Variants in ZMYM2 observed in about 807,000 individuals in gnomAD.
ZMYM2 encodes the protein zinc finger MYM-type protein 2.
A neutral mutation model predicts 162.8 loss-of-function variants in ZMYM2; 56 were observed. The observed-to-expected ratio is 0.34, with a 90% CI of 0.28 to 0.43. ZMYM2 has a LOEUF of 0.43. ZMYM2 is among the 20% of genes least tolerant of loss of function. ZMYM2 has a pLI of 1.00. For synonymous variants in ZMYM2, 510 were observed against 541.6 expected, an observed-to-expected ratio of 0.94 and a Z score of 0.81; for missense variants, 1,275 against 1,621.8, an observed-to-expected ratio of 0.79 and a Z score of 3.67.
At chr13:19,868,814 A>G in the ZMYM2 span, among the ~76,000 whole-genome samples, 1 of 152,160 alleles carries the variant, frequency 6.6e-6, no homozygotes, top group African/African-American at 2.4e-5. Context: ...GCAGTGGCAC[A>G]ATATCGGCTC....
At chr13:20,030,763 A>G (rs1953055410) in intron 9 of ZMYM2, among the ~76,000 whole-genome samples, 1 of 151,712 alleles carries the variant, frequency 6.6e-6, no homozygotes, top group Non-Finnish European at 1.5e-5. Flanking sequence ...CGAACTCCTG[A>G]CCTTGGGTGA....
chr13:19,969,625 T>C (rs1438399874), intron 2 of ZMYM2, among the ~76,000 whole-genome samples: 1 of 152,182 alleles, frequency 6.6e-6, no homozygotes, highest in Admixed American at 6.5e-5. Flanking sequence ...AAATAAGACT[T>C]ACTGAGGACT....
At chr13:19,956,960 T>G (rs1370936466), upstream of ZMYM2, among the ~76,000 whole-genome samples, 1 of 152,200 alleles carries the variant, frequency 6.6e-6, no homozygotes, top group Non-Finnish European at 1.5e-5. Flanking sequence ...ACCAGTACTG[T>G]GTAATATGAA....
At chr13:19,878,775 G>A in the ZMYM2 span, among the ~76,000 whole-genome samples, 1 of 152,128 alleles carries the variant, frequency 6.6e-6, no homozygotes, top group Non-Finnish European at 1.5e-5. Context: ...ACCTACCTCG[G>A]ACTCCCAAAG....
intron 2 of ZMYM2, among the ~76,000 whole-genome samples, chr13:19,964,409 A>G (rs1299518250): frequency 1.3e-5 from 2 of 152,062 alleles, no homozygotes; most frequent in Non-Finnish European, 2.9e-5. Context: ...GATTATTCAC[A>G]GAAATAGATA....
the ZMYM2 span, among the ~76,000 whole-genome samples, chr13:19,918,078 AAG>A: frequency 2.6e-5 from 4 of 152,022 alleles, no homozygotes; most frequent in African/African-American, 9.7e-5. Context: ...GAAAAAGAAA[AAG>A]AACATTCTAA....
At chr13:19,985,146 CG>C (rs1271436582) in intron 2 of ZMYM2, among the ~76,000 whole-genome samples, 3 of 152,066 alleles carry the variant, frequency 2.0e-5, no homozygotes, top group South Asian at 2.1e-4. Context: ...GTTGTTGAGA[CG>C]GGGTTTCACT....
At chr13:19,945,466 G>T in the ZMYM2 span, among the ~76,000 whole-genome samples, 22 of 151,936 alleles carry the variant, frequency 1.4e-4, no homozygotes, top group African/African-American at 4.8e-4. Flanking sequence ...TACCCTGGCT[G>T]GTCTTGAACT....
chr13:19,918,799 A>G, the ZMYM2 span, among the ~76,000 whole-genome samples: 1 of 152,248 alleles, frequency 6.6e-6, no homozygotes, highest in East Asian at 1.9e-4. Flanking sequence ...ACACCTGGCC[A>G]AAAACCTCTT....
intron 12 of ZMYM2, among the ~76,000 whole-genome samples, chr13:20,048,974 C>T (rs1030201925): frequency 2.2e-4 from 33 of 151,780 alleles, no homozygotes; most frequent in African/African-American, 6.8e-4. Context: ...CTAGGGAATG[C>T]GGCTTAGAGT....
intron 7 of ZMYM2, among the ~76,000 whole-genome samples, chr13:20,023,398 C>G (rs564998783): frequency 6.6e-6 from 1 of 151,864 alleles, no homozygotes; most frequent in Non-Finnish European, 1.5e-5. Flanking sequence ...TCCAAATGTA[C>G]CAAATGAAAT....
At chr13:20,003,713 G>GCCTCCACCTCCTGGGT (rs373629907) in intron 4 of ZMYM2, among the ~76,000 whole-genome samples, 1 of 151,268 alleles carries the variant, frequency 6.6e-6, no homozygotes, top group African/African-American at 2.4e-5. Flanking sequence ...GCTCACTGCA[G>GCCTCCACCTCCTGGGT]CCTCCACCTC....
intron 21 of ZMYM2, among the ~76,000 whole-genome samples, chr13:20,078,226 T>A (rs1446483375): frequency 6.6e-6 from 1 of 152,172 alleles, no homozygotes; most frequent in African/African-American, 2.4e-5. Context: ...GCAGAACTAC[T>A]GATTGATAGC....
At chr13:19,920,178 A>G in the ZMYM2 span, among the ~76,000 whole-genome samples, 1 of 152,148 alleles carries the variant, frequency 6.6e-6, no homozygotes, top group Non-Finnish European at 1.5e-5. Context: ...TAACCTTTTC[A>G]AGTACTAATC....
intron 2 of ZMYM2, among the ~76,000 whole-genome samples, chr13:19,971,405 G>A (rs1295979714): frequency 6.6e-6 from 1 of 150,660 alleles, no homozygotes; most frequent in East Asian, 2.0e-4. Flanking sequence ...CAAGTAGCTG[G>A]GATTACAGAC....
chr13:19,940,597 A>G, the ZMYM2 span, among the ~76,000 whole-genome samples: 1 of 152,218 alleles, frequency 6.6e-6, no homozygotes, highest in African/African-American at 2.4e-5. Context: ...ACAACTCTCT[A>G]AAATCTTTCA....
chr13:19,901,225 G>A, the ZMYM2 span, among the ~76,000 whole-genome samples: 1 of 152,056 alleles, frequency 6.6e-6, no homozygotes, highest in African/African-American at 2.4e-5. Context: ...ACTTTGGGTA[G>A]ACACAAACAT....
At chr13:19,978,331 T>C (rs1956973166) in intron 2 of ZMYM2, among the ~76,000 whole-genome samples, 1 of 151,296 alleles carries the variant, frequency 6.6e-6, no homozygotes, top group Non-Finnish European at 1.5e-5. Context: ...GCTGTACTTC[T>C]CTGTCCTCTT....
chr13:20,024,164 A>G (rs1472531952), intron 7 of ZMYM2, among the ~76,000 whole-genome samples: 1 of 151,870 alleles, frequency 6.6e-6, no homozygotes, highest in Non-Finnish European at 1.5e-5. Context: ...CGAACTCCCA[A>G]CCTCATGATC....
Sources: allele counts gnomAD v4.1 joint callset (sites outside exome capture counted in the v4.1 genomes callset), GRCh38; gene constraint gnomAD v4.1.1; transcripts MANE v1.5; gene names NCBI Gene and HGNC (gene_info 2026-07-23, HGNC 2026-07-21).